The following SEPTIN14 variants were observed in gnomAD, a reference collection of about 807,000 sequenced individuals.
SEPTIN14 encodes septin-14.
A neutral mutation model predicts 53.6 loss-of-function variants in SEPTIN14; 40 were observed. That is an observed-to-expected ratio of 0.75 (90% CI 0.58 to 0.97). The LOEUF (loss-of-function observed/expected upper bound fraction) is 0.97. Among genes scored for constraint, SEPTIN14 ranks in the 50% least tolerant of loss-of-function variants. SEPTIN14 has a pLI of 0.00. For synonymous variants in SEPTIN14, 138 were observed against 166.8 expected (o/e 0.83, Z 1.33); for missense variants, 471 against 508.2 (o/e 0.93, Z 0.70).
At chr7:55,824,808 T>TC (rs977163255) in intron 6 of SEPTIN14, among the ~76,000 whole-genome samples, 7 of 90,298 alleles carry the variant, frequency 7.8e-5, no homozygotes, top group Non-Finnish European at 2.0e-4. Context: ...AAACAAACAA[T>TC]TTTTTTTTTT....
chr7:55,798,408 T>C (rs771465842), intron 9 of SEPTIN14: 81 of 241,312 alleles, frequency 3.4e-4, no homozygotes, highest in Non-Finnish European at 5.6e-4. Flanking sequence ...GGAGGAGCCC[T>C]GGGCCCCTCA....
intron 6 of SEPTIN14, among the ~76,000 whole-genome samples, chr7:55,831,561 CT>C (rs531655359): frequency 6.4e-4 from 97 of 152,042 alleles, no homozygotes; most frequent in Non-Finnish European, 1.2e-3. Flanking sequence ...AGATATTGGC[CT>C]AGGAAAATAA....
intron 9 of SEPTIN14, chr7:55,797,929 TG>T: frequency 6.5e-6 from 1 of 154,056 alleles, no homozygotes; most frequent in Non-Finnish European, 1.4e-5. Context: ...ACTTGAGGCC[TG>T]GCCTCCTACT....
At chr7:55,852,886 T>C (rs1363038375) in intron 2 of SEPTIN14, among the ~76,000 whole-genome samples, 8 of 152,174 alleles carry the variant, frequency 5.3e-5, no homozygotes, top group Non-Finnish European at 1.0e-4. Flanking sequence ...GTGATTGGAA[T>C]ACACTTGTCT....
chr7:55,820,220 T>C (rs529767117), intron 6 of SEPTIN14, among the ~76,000 whole-genome samples: 1 of 152,262 alleles, frequency 6.6e-6, no homozygotes, highest in Non-Finnish European at 1.5e-5. Flanking sequence ...ACGCTGGTCT[T>C]GAACTCCTGA....
intron 9 of SEPTIN14, among the ~76,000 whole-genome samples, chr7:55,803,359 T>A (rs1167803298): frequency 6.6e-6 from 1 of 152,200 alleles, no homozygotes; most frequent in African/African-American, 2.4e-5. Flanking sequence ...ACCTCATATC[T>A]GTTAGAAAAA....
intron 7 of SEPTIN14, among the ~76,000 whole-genome samples, chr7:55,807,846 G>T (rs1443728294): frequency 6.6e-6 from 1 of 151,938 alleles, no homozygotes; most frequent in Non-Finnish European, 1.5e-5. Context: ...AAAAGAGAAG[G>T]CACGGAAAGC....
At chr7:55,843,181 GC>G in intron 4 of SEPTIN14, 53 bp from the exon 5 acceptor site, 1 of 1,157,724 alleles carries the variant, frequency 8.6e-7, no homozygotes, top group Middle Eastern at 2.6e-4. Context: ...TCTAAAGCCT[GC>G]TTTTTGACCA....
chr7:55,796,137 T>C (rs1465419041), intron 9 of SEPTIN14, 45 bp from the exon 10 acceptor site: 9 of 1,237,098 alleles, frequency 7.3e-6, no homozygotes, highest in Non-Finnish European at 1.1e-5. Flanking sequence ...ACAGTGTGGC[T>C]GAACACCCAA....
At chr7:55,813,347 A>AT (rs1351438620) in intron 7 of SEPTIN14, among the ~76,000 whole-genome samples, 1 of 152,144 alleles carries the variant, frequency 6.6e-6, no homozygotes, top group Non-Finnish European at 1.5e-5. Flanking sequence ...CTAGTTAATT[A>AT]AAGTGCCCTG....
In SEPTIN14 at chr7:55,850,204, G is replaced by A. The variant is rs141368525; in HGVS notation, c.55-3567C>T. 2.8e-3 allele frequency among the ~76,000 whole-genome samples: 424 copies of A among 152,300 alleles called. 5 individuals are homozygous for A. The highest frequency in any genetic ancestry group is 0.01 in the Middle Eastern group (3 of 294). ...AACACCTGACAGGCCAGGGGCGGTG[G>A]CTCATGCCTGTATCCTAGCATTCTG... is the stretch of plus-strand genomic sequence containing the variant. On this transcript the variant is annotated intron_variant, in intron 2 of 9. Transcript: ENST00000388975.
chr7:55,809,218 C>T (rs1396569073), intron 7 of SEPTIN14, among the ~76,000 whole-genome samples: 2 of 151,014 alleles, frequency 1.3e-5, no homozygotes, highest in African/African-American at 4.9e-5. Context: ...ATTGAGAACA[C>T]ATAGACACAA....
rs183474837 is a variant in SEPTIN14 at position 55,851,607 on chromosome 7, C to T, written c.55-4970G>A. 3.1e-4 allele frequency among the ~76,000 whole-genome samples: 47 copies of T among 152,224 alleles called. No homozygotes were observed. In the East Asian group the frequency reaches 8.1e-3, roughly 26 times the overall value. Reference sequence around the variant, plus strand: ...CACAAAAAAATGAAAAGATATTCCACGTGTATGGACTGAAAGAATCAATAT... The same window carrying T: ...CACAAAAAAATGAAAAGATATTCCATGTGTATGGACTGAAAGAATCAATAT... On this transcript the variant is annotated intron_variant, in intron 2 of 9. Transcript: ENST00000388975.
At chr7:55,832,882 A>G (rs1789134520) in intron 6 of SEPTIN14, among the ~76,000 whole-genome samples, 1 of 151,830 alleles carries the variant, frequency 6.6e-6, no homozygotes, top group South Asian at 2.1e-4. Flanking sequence ...TACAATATTT[A>G]CTATTTCAGG....
At chr7:55,855,303 C>T (rs979331272) in intron 2 of SEPTIN14, among the ~76,000 whole-genome samples, 4 of 152,050 alleles carry the variant, frequency 2.6e-5, no homozygotes, top group African/African-American at 4.8e-5. Context: ...CCACGGCGCC[C>T]GGTCAGATCA....
intron 1 of SEPTIN14, 33 bp from the exon 2 acceptor site, chr7:55,862,044 A>T (rs764447659): frequency 7.4e-7 from 1 of 1,346,924 alleles, no homozygotes; most frequent in East Asian, 2.5e-5. Flanking sequence ...ATTTTTAAAA[A>T]TTTCTTACAA....
At chr7:55,842,097 C>T (rs919147977) in intron 5 of SEPTIN14, among the ~76,000 whole-genome samples, 7 of 152,078 alleles carry the variant, frequency 4.6e-5, no homozygotes, top group South Asian at 4.2e-4. Context: ...TACAGTATTC[C>T]GTACAGTACC....
chr7:55,820,011 T>C (rs1344581512), intron 6 of SEPTIN14, among the ~76,000 whole-genome samples: 1 of 152,114 alleles, frequency 6.6e-6, no homozygotes, highest in Non-Finnish European at 1.5e-5. Context: ...ATTATGTTTG[T>C]TTTTTTGAGA....
At chr7:55,837,736 C>G (rs1272458582) in intron 5 of SEPTIN14, among the ~76,000 whole-genome samples, 1 of 152,172 alleles carries the variant, frequency 6.6e-6, no homozygotes, top group Non-Finnish European at 1.5e-5. Context: ...GCATGTGCCA[C>G]CACGCCCAGC....
Sources: allele counts gnomAD v4.1 joint callset (sites outside exome capture counted in the v4.1 genomes callset), GRCh38; gene constraint gnomAD v4.1.1; transcripts MANE v1.5; gene names NCBI Gene and HGNC (gene_info 2026-07-23, HGNC 2026-07-21).